Variants in HTD2 observed in about 807,000 individuals in gnomAD.
The protein encoded by HTD2 is hydroxyacyl-thioester dehydratase type 2, also known as hydroxyacyl-thioester dehydratase type 2, mitochondrial.
Under a neutral mutation model 3.1 loss-of-function variants are expected in HTD2, and 1 was observed. The ratio of observed to expected loss-of-function variants is 0.32; its 90% CI spans 0.11 to 1.52. HTD2 has a LOEUF of 1.52. Ranked by LOEUF, HTD2 falls within the 40% of genes most tolerant of loss-of-function variation. The probability of loss-of-function intolerance (pLI) is 0.39; values close to 1 mark genes in which losing one functional copy is unlikely to be tolerated. For missense variants in HTD2, 150 were observed against 79.6 expected, an observed-to-expected ratio of 1.88 and a Z score of -3.36; for synonymous variants, 50 against 28.9, an observed-to-expected ratio of 1.73 and a Z score of -2.34.
intron 2 of HTD2, among the ~76,000 whole-genome samples, chr3:58,310,965 CAAAAA>C (rs3038127): frequency 1.4e-5 from 2 of 142,792 alleles, no homozygotes; most frequent in South Asian, 4.3e-4. Context: ...TTTCAAACAT[CAAAAA>C]AAAAAAAAAA....
At chr3:58,306,907 A>T (rs1028268463) in intron 1 of HTD2, among the ~76,000 whole-genome samples, 1 of 152,202 alleles carries the variant, frequency 6.6e-6, no homozygotes, top group African/African-American at 2.4e-5. Context: ...TCATAGAAAA[A>T]GGCAAATGCT....
At chr3:58,316,438 C>T in intron 2 of HTD2, 77 bp from the exon 3 acceptor site, 1 of 1,337,072 alleles carries the variant, frequency 7.5e-7, no homozygotes. Context: ...GCTCAAAACT[C>T]ATTTGTTGTC....
At chr3:58,309,122 G>A (rs1467793151) in intron 1 of HTD2, among the ~76,000 whole-genome samples, 1 of 152,232 alleles carries the variant, frequency 6.6e-6, no homozygotes, top group African/African-American at 2.4e-5. Flanking sequence ...GACACAGGAT[G>A]GGAGGAGACG....
chr3:58,312,483 C>T (rs2097483411), intron 2 of HTD2, among the ~76,000 whole-genome samples: 3 of 152,032 alleles, frequency 2.0e-5, no homozygotes, highest in Admixed American at 1.3e-4. Flanking sequence ...CAGAAGTAAA[C>T]TTTCAGAAGT....
intron 2 of HTD2, among the ~76,000 whole-genome samples, chr3:58,313,928 C>G (rs138668652): frequency 2.0e-5 from 3 of 152,152 alleles, no homozygotes; most frequent in Non-Finnish European, 4.4e-5. Flanking sequence ...GGCTCATGCC[C>G]GTAATCCCAA....
chr3:58,317,826 CTT>C lies in HTD2; in HGVS notation c.215_216del (p.Phe72CysfsTer27), dbSNP rs1188894887. ...TCAATCCTTTGCATTTGAATGAAGA[CTT>C]TGCAAAACACACCAAGTTTGGAAAT... ...DVNPLHLNED[F>X]AKHTKFGNTI... On this transcript the variant is annotated frameshift_variant, in exon 5 of 5. Coordinates refer to ENST00000461393, the MANE Select transcript of HTD2 (RefSeq NM_001348712.2). LOFTEE classifies it high-confidence loss of function. The C allele has an allele frequency of 8.5e-6, 6 of 703,048 alleles. No individual in the cohort carries two copies. Among genetic ancestry groups the C allele is most frequent in the East Asian group, 2.7e-5 (1 of 37,292 alleles). 43.6% of individuals were successfully genotyped at this position (703,048 alleles called of 1,614,324 possible).
rs896324264 is a variant in HTD2 at position 58,317,888 on chromosome 3, T to C, written c.275T>C (p.Ile92Thr). 1.3e-5 allele frequency: 9 copies of C among 702,906 alleles called. No individual in the cohort carries two copies. Among genetic ancestry groups the C allele is most frequent in the Admixed American group, 1.0e-4 (5 of 49,990 alleles). 43.5% of individuals were successfully genotyped at this position (702,906 alleles called of 1,614,324 possible). A position where few individuals can be genotyped will look rare whatever the true frequency, so the allele number is the denominator to read the frequency against. ...CATGGAGTTTTGATCAACGGACTTA[T>C]CTCAGCTCTCCTAGGAACTAAAATG... Reference protein sequence around the residue: ...IVHGVLINGLISALLGTKMPG... With the variant: ...IVHGVLINGLTSALLGTKMPG... Residue 92 changes from isoleucine to threonine, a missense_variant, in exon 5 of 5, where the codon ATC (isoleucine) becomes ACC (threonine). Physicochemically the swap from Ile to Thr is moderately conservative, Grantham distance 89 (BLOSUM62 -1). Coordinates refer to ENST00000461393, the MANE Select transcript of HTD2 (RefSeq NM_001348712.2).
intron 2 of HTD2, among the ~76,000 whole-genome samples, chr3:58,311,787 C>A (rs2097482532): frequency 6.6e-6 from 1 of 151,520 alleles, no homozygotes; most frequent in African/African-American, 2.4e-5. Context: ...CTGCACATGT[C>A]TTTTTGAATT....
chr3:58,307,061 C>G (rs1486290082), intron 1 of HTD2, among the ~76,000 whole-genome samples: 1 of 152,104 alleles, frequency 6.6e-6, no homozygotes, highest in Non-Finnish European at 1.5e-5. Context: ...GAAGATCTTT[C>G]CCAGCATGGG....
intron 1 of HTD2, 25 bp from the exon 2 acceptor site, chr3:58,310,481 AC>A: frequency 1.9e-6 from 3 of 1,544,646 alleles, no homozygotes; most frequent in South Asian, 1.2e-5. Flanking sequence ...ATTTAATATG[AC>A]TTTTTTTTTT....
At chr3:58,312,292 C>T (rs953814523) in intron 2 of HTD2, among the ~76,000 whole-genome samples, 35 of 148,644 alleles carry the variant, frequency 2.4e-4, no homozygotes, top group African/African-American at 7.9e-4. Flanking sequence ...GACAGAGTCT[C>T]GCTCTGTCAC....
rs2097490504 is a variant in HTD2 at position 58,318,290 on chromosome 3, A to ATGCTTCATGCAGACT, written c.*173_*187dup. ...AATGCCCACTTTCCAGTTTGGCCTT[A>ATGCTTCATGCAGACT]TGCTTCATGCAGACTTGAGTGTATG... On this transcript the variant is annotated 3_prime_UTR_variant, in exon 5 of 5. Transcript: ENST00000461393. The ATGCTTCATGCAGACT allele has an allele frequency of 1.8e-6, 1 of 542,588 alleles. No individual in the cohort carries two copies. Among genetic ancestry groups the ATGCTTCATGCAGACT allele is most frequent in the African/African-American group, 1.9e-5 (1 of 52,548 alleles). The allele number at this position is 542,588 out of a possible 1,614,324, so 33.6% of individuals were successfully genotyped here. A position where few individuals can be genotyped will look rare whatever the true frequency, so the allele number is the denominator to read the frequency against.
Position 58,308,758 on chromosome 3 carries a change from T to C in HTD2, c.-415-1749T>C, listed in dbSNP as rs190245398. On this transcript the variant is annotated intron_variant, in intron 1 of 4. Coordinates refer to ENST00000461393, the MANE Select transcript of HTD2 (RefSeq NM_001348712.2). ...GATTGGGCCTCAGTTTCCTGTTCCC[T>C]GTAGTGGGGGATCCATATATTAAAC... Among the ~76,000 whole-genome samples, 956 of 151,970 alleles carry C rather than the reference T, an allele frequency of 6.3e-3. 8 individuals carry two copies. The highest frequency in any genetic ancestry group is 7.9e-3 in the Non-Finnish European group (534 of 67,898).
At chr3:58,313,258 CA>C (rs1443143733) in intron 2 of HTD2, among the ~76,000 whole-genome samples, 1 of 151,216 alleles carries the variant, frequency 6.6e-6, no homozygotes, top group Non-Finnish European at 1.5e-5. Flanking sequence ...GACTCGGTCT[CA>C]AAAAAAAGGC....
intron 1 of HTD2, among the ~76,000 whole-genome samples, chr3:58,306,960 T>C (rs1157584914): frequency 2.0e-5 from 3 of 152,030 alleles, no homozygotes; most frequent in African/African-American, 7.2e-5. Context: ...TGGGGTGCGG[T>C]GTTAGCCGAG....
At chr3:58,310,776 A>G (rs914646529) in intron 2 of HTD2, among the ~76,000 whole-genome samples, 185 bp downstream of exon 2, 1 of 152,056 alleles carries the variant, frequency 6.6e-6, no homozygotes, top group Admixed American at 6.6e-5. Flanking sequence ...CTAAAACTGC[A>G]AAGATAAGCT....
chr3:58,313,565 G>A (rs2097484703), intron 2 of HTD2, among the ~76,000 whole-genome samples: 1 of 152,222 alleles, frequency 6.6e-6, no homozygotes, highest in Non-Finnish European at 1.5e-5. Flanking sequence ...GCTCACAGCT[G>A]TAATCCCACC....
chr3:58,308,387 T>C (rs2097478030), intron 1 of HTD2, among the ~76,000 whole-genome samples: 1 of 152,034 alleles, frequency 6.6e-6, no homozygotes, highest in African/African-American at 2.4e-5. Flanking sequence ...AGACTCAAGC[T>C]ATCCTCCCAC....
At chr3:58,310,145 T>C (rs1575543255) in intron 1 of HTD2, 4 of 591,174 alleles carry the variant, frequency 6.8e-6, no homozygotes, top group Non-Finnish European at 1.2e-5. Flanking sequence ...AGGTGGAGGC[T>C]GCAGTGAACT....
Sources: gnomAD v4.1 joint callset for allele counts (sites outside exome capture counted in the v4.1 genomes callset) on GRCh38, gnomAD v4.1.1 for gene constraint, MANE v1.5 for transcripts, NCBI Gene and HGNC (gene_info 2026-07-23, HGNC 2026-07-21) for gene names.